Variants in PRPF38A observed in about 807,000 individuals in gnomAD.
The protein encoded by PRPF38A is pre-mRNA-splicing factor 38A.
In PRPF38A, 11 loss-of-function variants were observed where a neutral mutation model predicts 46.8. The observed-to-expected ratio is 0.24, with a 90% CI of 0.15 to 0.39. PRPF38A has a LOEUF of 0.39. Among genes scored for constraint, PRPF38A ranks in the 10% least tolerant of loss-of-function variants. The probability of loss-of-function intolerance (pLI) is 1.00; values close to 1 mark genes in which losing one functional copy is unlikely to be tolerated. For missense variants in PRPF38A, 261 were observed against 407.5 expected (o/e 0.64, Z 3.10); for synonymous variants, 124 against 136.2 (o/e 0.91, Z 0.62).
intron 8 of PRPF38A, 22 bp downstream of exon 8, chr1:52,414,881 C>T (rs1212432835): frequency 6.2e-7 from 1 of 1,610,080 alleles, no homozygotes; most frequent in Admixed American, 1.7e-5. Context: ...GGGCCTTTTG[C>T]CACAGGTTGT....
Position 52,416,748 on chromosome 1 carries a change from G to A in PRPF38A, c.*58G>A, listed in dbSNP as rs771725336. On this transcript the variant is annotated 3_prime_UTR_variant, in exon 10 of 10. Coordinates refer to ENST00000257181, the MANE Select transcript of PRPF38A (RefSeq NM_032864.4). ...CCTGTGGATATAAGGATATCTGTAT[G>A]TGGAAGGATTAAGATCTCCCCCAGG... The A allele has an allele frequency of 2.1e-5, 27 of 1,272,946 alleles. No homozygotes were observed. The African/African-American group carries it at 2.5e-4, about 12-fold the overall frequency. 78.9% of individuals were successfully genotyped at this position (1,272,946 alleles called of 1,614,324 possible).
In PRPF38A at chr1:52,420,670, G is replaced by A. The variant is rs2147962479; in HGVS notation, c.*3980G>A. 6.6e-6 allele frequency: 1 copy of A among 152,118 alleles called. No individual in the cohort carries two copies. The highest frequency in any genetic ancestry group is 2.1e-4 in the South Asian group (1 of 4,822). 9.4% of individuals were successfully genotyped at this position (152,118 alleles called of 1,614,324 possible). On this transcript the variant is annotated 3_prime_UTR_variant, in exon 10 of 10. Coordinates refer to ENST00000257181, the MANE Select transcript of PRPF38A (RefSeq NM_032864.4). ...TGAGCCCACTTTTGTAAAACTATTTGTATATATGTGCCTGTATGATTAAGA... is the reference window on the plus strand; with the variant it reads ...TGAGCCCACTTTTGTAAAACTATTTATATATATGTGCCTGTATGATTAAGA...
At chr1:52,408,816 A>G in intron 3 of PRPF38A, 126 bp downstream of exon 3, 3 of 1,230,168 alleles carry the variant, frequency 2.4e-6, no homozygotes, top group African/African-American at 3.0e-5. Context: ...TACTGTCTCT[A>G]TGCAGGTTTT....
In PRPF38A at chr1:52,405,615, C is replaced by T. The variant is rs992709723; in HGVS notation, c.131-65C>T. 4 of 1,512,130 alleles carry T rather than the reference C, an allele frequency of 2.6e-6. No individual in the cohort carries two copies. The East Asian group carries it at 9.0e-5, about 34-fold the overall frequency. 93.7% of individuals were successfully genotyped at this position (1,512,130 alleles called of 1,614,324 possible). Reference sequence around the variant, plus strand: ...ATATTTAGGAGAACCAAAGCTTGAACTAACTCCACTCCAACTAGGAAGAGC... The same window carrying T: ...ATATTTAGGAGAACCAAAGCTTGAATTAACTCCACTCCAACTAGGAAGAGC... On this transcript the variant is annotated intron_variant, in intron 1 of 9. Transcript: ENST00000257181.
Position 52,420,431 on chromosome 1 carries a change from T to C in PRPF38A, c.*3741T>C, listed in dbSNP as rs1273301560. On this transcript the variant is annotated 3_prime_UTR_variant, in exon 10 of 10. Transcript: ENST00000257181. ...TAGAGTGTGCTGGTTTCATCTTTCA[T>C]AGCAGGAATCACGTACAGTCTCTAA... The C allele has an allele frequency of 1.3e-5, 2 of 152,160 alleles. No homozygotes were observed. Among genetic ancestry groups the C allele is most frequent in the African/African-American group, 4.8e-5 (2 of 41,424 alleles). The allele number at this position is 152,160 out of a possible 1,614,324, so 9.4% of individuals were successfully genotyped here.
intron 4 of PRPF38A, among the ~76,000 whole-genome samples, chr1:52,411,825 G>A (rs1388713061): frequency 6.6e-6 from 1 of 152,140 alleles, no homozygotes; most frequent in African/African-American, 2.4e-5. Context: ...TGGAAAGAAT[G>A]AGATTATAAA....
intron 2 of PRPF38A, among the ~76,000 whole-genome samples, chr1:52,407,538 A>C (rs907391156): frequency 5.3e-5 from 8 of 152,272 alleles, no homozygotes; most frequent in Non-Finnish European, 1.0e-4. Context: ...ATTTGAACCC[A>C]GATGACTTAC....
At chr1:52,405,647 C>T (rs771891313) in intron 1 of PRPF38A, 33 bp from the exon 2 acceptor site, 1 of 1,609,258 alleles carries the variant, frequency 6.2e-7, no homozygotes, top group Non-Finnish European at 8.5e-7. Context: ...GAGCTTAGCC[C>T]TAATATGTTA....
Position 52,405,795 on chromosome 1 carries a change from C to G in PRPF38A, c.246C>G (p.Pro82=). ...CCTTGAAGATGCTTCAAATTCAACC[C>G]GAGAAGGATATCATTGTAGAGTTTA... ...CLTLKMLQIQ[P]EKDIIVEFIK... The change falls in exon 2 of 10, where the codon CCC becomes CCG. Residue 82 remains proline, a synonymous_variant. Coordinates refer to ENST00000257181, the MANE Select transcript of PRPF38A (RefSeq NM_032864.4). The G allele has an allele frequency of 6.2e-7, 1 of 1,613,952 alleles. No individual in the cohort carries two copies. The highest frequency in any genetic ancestry group is 8.5e-7 in the Non-Finnish European group (1 of 1,179,910).
Position 52,416,989 on chromosome 1 carries a change from C to A in PRPF38A, c.*299C>A, listed in dbSNP as rs1446148354. On this transcript the variant is annotated 3_prime_UTR_variant, in exon 10 of 10. Transcript: ENST00000257181. ...GCTGTGGCCACCTGATGACCCTTTC[C>A]CTTTTTATTAAACCGGACACACCTG... 3 of 345,946 alleles carry A rather than the reference C, an allele frequency of 8.7e-6. No individual in the cohort carries two copies. Among genetic ancestry groups the A allele is most frequent in the East Asian group, 5.2e-5 (1 of 19,208 alleles). 21.4% of individuals were successfully genotyped at this position (345,946 alleles called of 1,614,324 possible). A position where few individuals can be genotyped will look rare whatever the true frequency, so the allele number is the denominator to read the frequency against.
At chr1:52,405,957 T>A in intron 2 of PRPF38A, 118 bp downstream of exon 2, 2 of 873,884 alleles carry the variant, frequency 2.3e-6, no homozygotes, top group South Asian at 3.4e-5. Flanking sequence ...CACTCCAGAT[T>A]TTTGCTTTTG....
chr1:52,405,621 C>A (rs961464973), intron 1 of PRPF38A, 59 bp from the exon 2 acceptor site: 2 of 1,544,818 alleles, frequency 1.3e-6, no homozygotes, highest in Non-Finnish European at 1.8e-6. Context: ...TGAACTAACT[C>A]CACTCCAACT....
At chr1:52,410,756 C>T (rs1374197570) in intron 3 of PRPF38A, among the ~76,000 whole-genome samples, 2 of 152,198 alleles carry the variant, frequency 1.3e-5, no homozygotes, top group East Asian at 3.8e-4. Context: ...CCTGCCTTGG[C>T]CTCCCAAAGT....
intron 5 of PRPF38A, among the ~76,000 whole-genome samples, 191 bp downstream of exon 5, chr1:52,412,815 CGTG>C (rs1297654253): frequency 6.6e-6 from 1 of 152,132 alleles, no homozygotes; most frequent in Non-Finnish European, 1.5e-5. Context: ...GCCTGGCCAA[CGTG>C]GTGGTGAAAC....
chr1:52,415,987 T>C (rs1648281203), intron 9 of PRPF38A, among the ~76,000 whole-genome samples: 1 of 151,732 alleles, frequency 6.6e-6, no homozygotes, highest in East Asian at 1.9e-4. Flanking sequence ...GGAATACAGG[T>C]GCCCGCCACC....
At position 52,404,887 on chromosome 1, in the gene PRPF38A, G is replaced by T. The variant is rs772198080; in HGVS notation, c.130+8G>T. On this transcript the variant is annotated splice_region_variant and intron_variant, in intron 1 of 9. Transcript: ENST00000257181. ...AGTGCTTTGGACTTACAGGTAAGTG[G>T]AAGCGCGCGGAGCGCCTCTCAGCCC... 22 of 1,613,204 alleles carry T rather than the reference G, an allele frequency of 1.4e-5. No individual in the cohort carries two copies. The highest frequency in any genetic ancestry group is 1.9e-5 in the Non-Finnish European group (22 of 1,179,588).
In PRPF38A at chr1:52,420,356, A is replaced by G. The variant is rs929091872; in HGVS notation, c.*3666A>G. On this transcript the variant is annotated 3_prime_UTR_variant, in exon 10 of 10. Coordinates refer to ENST00000257181, the MANE Select transcript of PRPF38A (RefSeq NM_032864.4). ...TCAGAAACTTTAAAAATAATGGGCA[A>G]TGATTATAAAGTCAAATATTATGAA... 1.3e-5 allele frequency: 2 copies of G among 152,240 alleles called. No homozygotes were observed. Among genetic ancestry groups the G allele is most frequent in the African/African-American group, 2.4e-5 (1 of 41,466 alleles). The allele number at this position is 152,240 out of a possible 1,614,324, so 9.4% of individuals were successfully genotyped here. A position where few individuals can be genotyped will look rare whatever the true frequency, so the allele number is the denominator to read the frequency against.
At position 52,404,776 on chromosome 1, in the gene PRPF38A, G is replaced by A. The variant is rs1475746012; in HGVS notation, c.27G>A (p.Ala9=). ...TGGCTAACCGTACAGTGAAGGATGC[G>A]CACAGCATCCATGGCACCAACCCTC... The part of the protein sequence containing the change: MANRTVKD[A]HSIHGTNPQY... The change falls in exon 1 of 10, where the codon GCG becomes GCA. Residue 9 remains alanine, a synonymous_variant. Transcript: ENST00000257181. The A allele has an allele frequency of 1.2e-6, 2 of 1,613,870 alleles. No individual in the cohort carries two copies. The highest frequency in any genetic ancestry group is 1.3e-5 in the African/African-American group (1 of 75,054).
Position 52,418,377 on chromosome 1 carries a change from C to T in PRPF38A, c.*1687C>T, listed in dbSNP as rs1648351797. On this transcript the variant is annotated 3_prime_UTR_variant, in exon 10 of 10. Transcript: ENST00000257181. ...AAGTGATCTAGGTAGAAAGAAATGT[C>T]TTCTGGCATGGACAGAAATGACCCA... 6.6e-6 allele frequency: 1 copy of T among 152,200 alleles called. No individual in the cohort carries two copies. Among genetic ancestry groups the T allele is most frequent in the Non-Finnish European group, 1.5e-5 (1 of 68,040 alleles). 9.4% of individuals were successfully genotyped at this position (152,200 alleles called of 1,614,324 possible).
Sources: allele counts gnomAD v4.1 joint callset (sites outside exome capture counted in the v4.1 genomes callset), GRCh38; gene constraint gnomAD v4.1.1; transcripts MANE v1.5; gene names NCBI Gene and HGNC (gene_info 2026-07-23, HGNC 2026-07-21).